RFXAP: variants seen among roughly 807,000 people sequenced by gnomAD.
The protein encoded by RFXAP is regulatory factor X-associated protein.
In RFXAP, 21 loss-of-function variants were observed where a neutral mutation model predicts 25.7. That is an observed-to-expected ratio of 0.82 (90% CI 0.58 to 1.18). RFXAP has a LOEUF of 1.18. Among genes scored for constraint, RFXAP ranks in the 50% most tolerant of loss-of-function variants. RFXAP has a pLI of 0.00. For missense variants in RFXAP, 333 were observed against 363.0 expected (o/e 0.92, Z 0.67); for synonymous variants, 161 against 152.2 (o/e 1.06, Z -0.43).
chr13:36,820,492 T>C (rs2057958427), intron 1 of RFXAP, among the ~76,000 whole-genome samples: 1 of 152,048 alleles, frequency 6.6e-6, no homozygotes, highest in Non-Finnish European at 1.5e-5. Context: ...CTGTCTGTAG[T>C]ACCCCTGTAC....
intron 1 of RFXAP, 116 bp downstream of exon 1, chr13:36,820,073 C>T (rs2057957244): frequency 6.9e-7 from 1 of 1,441,754 alleles, no homozygotes; most frequent in Admixed American, 2.0e-5. Flanking sequence ...TTTGCAGTGA[C>T]TGGGTTAGTG....
chr13:36,819,626 C>T lies in RFXAP; in HGVS notation c.269C>T (p.Ala90Val). 1.3e-6 allele frequency: 2 copies of T among 1,542,758 alleles called. No individual in the cohort carries two copies. The highest frequency in any genetic ancestry group is 1.8e-6 in the Non-Finnish European group (2 of 1,140,988). ...GAAGAGGAGGCTGGGGAGGACGAGG[C>T]GGACCTGTTAGACACTTCGGACCCT... Reference protein sequence around the residue: ...DGEEEAGEDEADLLDTSDPPG... With the variant: ...DGEEEAGEDEVDLLDTSDPPG... The change falls in exon 1 of 3, where the codon GCG becomes GTG. Residue 90 changes from alanine (A) to valine (V), a missense_variant. Ala to Val is a moderately conservative substitution (Grantham distance 64). Transcript: ENST00000255476.
intron 2 of RFXAP, among the ~76,000 whole-genome samples, chr13:36,826,327 A>G (rs764380081): frequency 5.9e-5 from 9 of 152,238 alleles, no homozygotes; most frequent in Non-Finnish European, 1.3e-4. Flanking sequence ...GAAACAGAAA[A>G]AAAAGGCAGA....
Position 36,821,855 on chromosome 13 carries a change from A to C in RFXAP, c.600+1898A>C, listed in dbSNP as rs571146159. ...TAGAAAAATCCACTATGTAACTTTA[A>C]TTTTGCATACTAATTAATGGGCTCA... On this transcript the variant is annotated intron_variant, in intron 1 of 2. Transcript: ENST00000255476. 3.9e-5 allele frequency among the ~76,000 whole-genome samples: 6 copies of C among 152,160 alleles called. No individual in the cohort carries two copies. The South Asian group carries it at 1.2e-3, about 32-fold the overall frequency.
chr13:36,823,411 A>G (rs1179004827), intron 1 of RFXAP, among the ~76,000 whole-genome samples: 1 of 152,232 alleles, frequency 6.6e-6, no homozygotes, highest in African/African-American at 2.4e-5. Context: ...GGTTGAAGCC[A>G]GTTTTTTATA....
chr13:36,820,412 T>G (rs1022457673), intron 1 of RFXAP, among the ~76,000 whole-genome samples: 1 of 152,212 alleles, frequency 6.6e-6, no homozygotes, highest in Non-Finnish European at 1.5e-5. Flanking sequence ...TTTAGTACTT[T>G]GTTTTTAGTG....
chr13:36,826,831 AG>A (rs1234510142), intron 2 of RFXAP, among the ~76,000 whole-genome samples: 1 of 152,158 alleles, frequency 6.6e-6, no homozygotes, highest in East Asian at 1.9e-4. Flanking sequence ...TTGGGGCCAA[AG>A]ATTTTTTTCT....
chr13:36,820,093 TAG>T (rs2138213248), intron 1 of RFXAP, 136 bp downstream of exon 1: 1 of 1,293,914 alleles, frequency 7.7e-7, no homozygotes, highest in South Asian at 1.3e-5. Flanking sequence ...GGTTGAGAAT[TAG>T]AGTGTTTGCC....
At chr13:36,820,193 T>A (rs1249655835) in intron 1 of RFXAP, among the ~76,000 whole-genome samples, 1 of 152,154 alleles carries the variant, frequency 6.6e-6, no homozygotes, top group Non-Finnish European at 1.5e-5. Flanking sequence ...AAAAATAATG[T>A]GACATCGGCA....
At position 36,827,137 on chromosome 13, in the gene RFXAP, C is replaced by CAT. The variant is rs373043635; in HGVS notation, c.709-494_709-493dup. Among the ~76,000 whole-genome samples, 1,351 of 151,608 alleles carry CAT rather than the reference C, an allele frequency of 8.9e-3. 14 individuals carry two copies. The highest frequency in any genetic ancestry group is 0.031 in the African/African-American group (1,277 of 41,214). ...TTTGGTATATACCGATATATATGTACATATATATATATACACACCTATACA... is the reference window on the plus strand; with the variant it reads ...TTTGGTATATACCGATATATATGTACATATATATATATATACACACCTATACA... On this transcript the variant is annotated intron_variant, in intron 2 of 2. Transcript: ENST00000255476.
chr13:36,823,040 C>T (rs1343036908), intron 1 of RFXAP, among the ~76,000 whole-genome samples: 1 of 152,144 alleles, frequency 6.6e-6, no homozygotes, highest in Non-Finnish European at 1.5e-5. Flanking sequence ...AGCTGAGTTT[C>T]TTATGTGTCA....
Position 36,819,717 on chromosome 13 carries a change from C to A in RFXAP, c.360C>A (p.Gly120=). Residue 120 remains glycine, a synonymous_variant, in exon 1 of 3, where the codon GGC becomes GGA. Coordinates refer to ENST00000255476, the MANE Select transcript of RFXAP (RefSeq NM_000538.4). ...DLEDEETHSG[G]EGSSGGARRR... is the part of the protein sequence containing the mutation. Reference sequence around the variant, plus strand: ...AGGACGAGGAGACTCACTCGGGGGGCGAGGGCAGCAGCGGGGGCGCCCGGA... The same window carrying A: ...AGGACGAGGAGACTCACTCGGGGGGAGAGGGCAGCAGCGGGGGCGCCCGGA... 6.5e-7 allele frequency: 1 copy of A among 1,549,202 alleles called. No individual in the cohort carries two copies. The highest frequency in any genetic ancestry group is 1.2e-5 in the South Asian group (1 of 83,918).
intron 1 of RFXAP, among the ~76,000 whole-genome samples, 176 bp from the exon 2 acceptor site, chr13:36,825,252 A>T (rs1031731751): frequency 2.6e-5 from 4 of 152,200 alleles, no homozygotes; most frequent in African/African-American, 9.7e-5. Context: ...ATGTTACATT[A>T]AATTAACTGC....
At chr13:36,822,982 G>A (rs2057967722) in intron 1 of RFXAP, among the ~76,000 whole-genome samples, 1 of 152,140 alleles carries the variant, frequency 6.6e-6, no homozygotes. Flanking sequence ...CAGAGGAAAC[G>A]TGACTCAGTA....
chr13:36,826,105 C>T (rs1181954923), intron 2 of RFXAP, among the ~76,000 whole-genome samples: 6 of 152,062 alleles, frequency 3.9e-5, no homozygotes, highest in South Asian at 2.1e-4. Context: ...TCCAGGAATT[C>T]GAGGCTGCAA....
At position 36,820,044 on chromosome 13, in the gene RFXAP, C is replaced by T. The variant is rs41292221; in HGVS notation, c.600+87C>T. 6,479 of 1,554,178 alleles carry T rather than the reference C, an allele frequency of 4.2e-3. 25 individuals carry two copies. The highest frequency in any genetic ancestry group is 4.5e-3 in the Non-Finnish European group (5,141 of 1,146,088). ...AACCGCATCTGCAGGGCCTGCCTCC[C>T]CACTTCCAAATGGGCCGGTTTGCAG... On this transcript the variant is annotated intron_variant, in intron 1 of 2. Transcript: ENST00000255476.
At chr13:36,826,647 A>G (rs1415616580) in intron 2 of RFXAP, among the ~76,000 whole-genome samples, 1 of 152,310 alleles carries the variant, frequency 6.6e-6, no homozygotes, top group Admixed American at 6.5e-5. Flanking sequence ...CATAAATAGT[A>G]AAAAAGGTAG....
intron 2 of RFXAP, among the ~76,000 whole-genome samples, chr13:36,825,979 T>C (rs2138217741): frequency 6.6e-6 from 1 of 152,174 alleles, no homozygotes; most frequent in Admixed American, 6.6e-5. Flanking sequence ...TTTGAGACCA[T>C]TCTGGGCAAC....
rs1227039246 is a variant in RFXAP, at chr13:36,828,521, G to A, written c.*768G>A. 1 of 152,248 alleles carries A rather than the reference G, an allele frequency of 6.6e-6. No homozygotes were observed. The highest frequency in any genetic ancestry group is 1.5e-5 in the Non-Finnish European group (1 of 68,082). The allele number at this position is 152,248 out of a possible 1,614,324, so 9.4% of individuals were successfully genotyped here. On this transcript the variant is annotated 3_prime_UTR_variant, in exon 3 of 3. Coordinates refer to ENST00000255476, the MANE Select transcript of RFXAP (RefSeq NM_000538.4). ...TTGGCTTCTCTCTTTGATGTTACCTGTTAGTGCTGATCTCTTAAAGCAGAC... is the reference window on the plus strand; with the variant it reads ...TTGGCTTCTCTCTTTGATGTTACCTATTAGTGCTGATCTCTTAAAGCAGAC...
Sources: gnomAD v4.1 joint callset for allele counts (sites outside exome capture counted in the v4.1 genomes callset) on GRCh38, gnomAD v4.1.1 for gene constraint, MANE v1.5 for transcripts, NCBI Gene and HGNC (gene_info 2026-07-23, HGNC 2026-07-21) for gene names.